Variants in SLC25A43 observed in about 807,000 individuals in gnomAD.
SLC25A43 encodes solute carrier family 25, member 43.
A neutral mutation model predicts 22.8 loss-of-function variants in SLC25A43; 10 were observed. The observed-to-expected ratio is 0.44, with a 90% CI of 0.27 to 0.74. The LOEUF (loss-of-function observed/expected upper bound fraction) is 0.74, where lower values mean the gene tolerates loss of function less well. Ranked by LOEUF, SLC25A43 falls within the 30% of genes least tolerant of loss-of-function variation. The probability of loss-of-function intolerance (pLI) is 0.17; values close to 1 mark genes in which losing one functional copy is unlikely to be tolerated. For missense variants in SLC25A43, 233 were observed against 279.1 expected, an observed-to-expected ratio of 0.83 and a Z score of 1.18; for synonymous variants, 106 against 121.6, an observed-to-expected ratio of 0.87 and a Z score of 0.84.
In SLC25A43 at chrX:119,454,023, G is replaced by C. The variant is rs989206122; in HGVS notation, c.*958G>C. 1 of 112,214 alleles carries C rather than the reference G, an allele frequency of 8.9e-6. No homozygotes were observed. 9.2% of individuals were successfully genotyped at this position (112,214 alleles called of 1,213,427 possible). A position where few individuals can be genotyped will look rare whatever the true frequency, so the allele number is the denominator to read the frequency against. ...GTTTCAGAAAGACAGTTTATACCAT[G>C]ACTGCTTAATTATCCCCCCAAAGAC... On this transcript the variant is annotated 3_prime_UTR_variant, in exon 5 of 5. Coordinates refer to ENST00000217909, the MANE Select transcript of SLC25A43 (RefSeq NM_145305.3).
rs949124519 is a variant in SLC25A43, at chrX:119,406,815, G to A, written c.517+114G>A. On this transcript the variant is annotated intron_variant, in intron 2 of 4. Transcript: ENST00000217909. ...AGTTTTACTGAGATCAAGGTTATAT[G>A]GATTCAACCTACATAGAGGCAATTA... 1.8e-5 allele frequency: 16 copies of A among 887,124 alleles called. No homozygotes were observed. The Admixed American group carries it at 5.4e-4, about 30-fold the overall frequency. The allele number at this position is 887,124 out of a possible 1,213,427, so 73.1% of individuals were successfully genotyped here.
chrX:119,410,344 C>G lies in SLC25A43; in HGVS notation c.672C>G (p.Thr224=), dbSNP rs142240806. 1.7e-5 allele frequency: 21 copies of G among 1,208,732 alleles called. No individual in the cohort carries two copies. The African/African-American group carries it at 1.9e-4, about 11-fold the overall frequency. The change falls in exon 3 of 5, where the codon ACC becomes ACG. Residue 224 remains threonine, a synonymous_variant. Transcript: ENST00000217909. ...AGACCCTCTCCTTTCCCTTTGAGACCGTGAAGAGAAAGATGCAGGTGAGGA... is the reference window on the plus strand; with the variant it reads ...AGACCCTCTCCTTTCCCTTTGAGACGGTGAAGAGAAAGATGCAGGTGAGGA... ...VTQTLSFPFE[T]VKRKMQAQSP...
In SLC25A43 at chrX:119,450,949, G is replaced by C. The variant is rs767892885; in HGVS notation, c.691-1060G>C. On this transcript the variant is annotated intron_variant, in intron 3 of 4. Coordinates refer to ENST00000217909, the MANE Select transcript of SLC25A43 (RefSeq NM_145305.3). ...AGGCCAAGGCAGGTGGATCACTTGA[G>C]GCCAGGAGTTTCAGACCAGCCTGGC... Among the ~76,000 whole-genome samples, 12 of 112,021 alleles carry C rather than the reference G, an allele frequency of 1.1e-4. No homozygotes were observed. The South Asian group carries it at 4.1e-3, about 38-fold the overall frequency.
intron 1 of SLC25A43, among the ~76,000 whole-genome samples, chrX:119,402,521 A>G (rs1209802842): frequency 8.9e-6 from 1 of 112,158 alleles, no homozygotes; most frequent in Non-Finnish European, 1.9e-5. Context: ...GTTCATAACC[A>G]ACACTATTTC....
chrX:119,420,026 A>T (rs1272976730), intron 3 of SLC25A43, among the ~76,000 whole-genome samples: 2 of 112,359 alleles, frequency 1.8e-5, no homozygotes, highest in African/African-American at 6.5e-5. Flanking sequence ...GCACTGTGCT[A>T]AGTGCTTTAT....
At chrX:119,399,728 T>A (rs1402769156) in intron 1 of SLC25A43, 50 bp downstream of exon 1, 1 of 672,549 alleles carries the variant, frequency 1.5e-6, no homozygotes, top group South Asian at 4.6e-5. Flanking sequence ...GGGGGTGGGG[T>A]GGGGGAGCCG....
intron 3 of SLC25A43, among the ~76,000 whole-genome samples, chrX:119,446,027 C>G (rs1019079272): frequency 9.2e-6 from 1 of 108,651 alleles, no homozygotes; most frequent in African/African-American, 3.3e-5. Context: ...GTGGCATGCA[C>G]CTGCAATCCC....
chrX:119,445,166 CT>C (rs776316831), intron 3 of SLC25A43, among the ~76,000 whole-genome samples: 47 of 110,151 alleles, frequency 4.3e-4, no homozygotes, highest in African/African-American at 1.5e-3. Flanking sequence ...GATTCGCACT[CT>C]ACCTAGGCTT....
At chrX:119,417,392 C>A (rs1421288746) in intron 3 of SLC25A43, among the ~76,000 whole-genome samples, 1 of 111,050 alleles carries the variant, frequency 9.0e-6, no homozygotes, top group Non-Finnish European at 1.9e-5. Flanking sequence ...TGCCACCACA[C>A]TCCAGCCTGG....
intron 2 of SLC25A43, among the ~76,000 whole-genome samples, chrX:119,408,430 A>G (rs2052317127): frequency 9.0e-6 from 1 of 111,224 alleles, no homozygotes; most frequent in Non-Finnish European, 1.9e-5. Flanking sequence ...CATTTCATAT[A>G]GCCCCCCTGT....
At chrX:119,420,647 G>C (rs1199134105) in intron 3 of SLC25A43, among the ~76,000 whole-genome samples, 1 of 111,862 alleles carries the variant, frequency 8.9e-6, no homozygotes, top group Non-Finnish European at 1.9e-5. Context: ...GAGAAAAAAG[G>C]CTGAGCCCCT....
chrX:119,420,049 A>G lies in SLC25A43; in HGVS notation c.690+9687A>G, dbSNP rs558630725. Reference sequence around the variant, plus strand: ...CTAAGTGCTTTATGTTCATTATCTCATTTAATCCTTACAACAGCCCTACAA... The same window carrying G: ...CTAAGTGCTTTATGTTCATTATCTCGTTTAATCCTTACAACAGCCCTACAA... On this transcript the variant is annotated intron_variant, in intron 3 of 4. Coordinates refer to ENST00000217909, the MANE Select transcript of SLC25A43 (RefSeq NM_145305.3). 7.1e-5 allele frequency among the ~76,000 whole-genome samples: 8 copies of G among 112,241 alleles called. No individual in the cohort carries two copies. In the South Asian group the frequency reaches 3.0e-3, roughly 42 times the overall value.
At chrX:119,443,752 T>TAA (rs2052643383) in intron 3 of SLC25A43, among the ~76,000 whole-genome samples, 1 of 102,530 alleles carries the variant, frequency 9.8e-6, no homozygotes, top group Non-Finnish European at 2.0e-5. Flanking sequence ...ATTTATTTAT[T>TAA]TTTATTTTTT....
chrX:119,411,525 G>A lies in SLC25A43; in HGVS notation c.690+1163G>A, dbSNP rs536540479. ...CAAAAAAAAAAAAAAAAAATGAGGC[G>A]GCATCTTAGTGAGACCACTGAGGCA... On this transcript the variant is annotated intron_variant, in intron 3 of 4. Coordinates refer to ENST00000217909, the MANE Select transcript of SLC25A43 (RefSeq NM_145305.3). Among the ~76,000 whole-genome samples the A allele has an allele frequency of 4.6e-5, 5 of 109,726 alleles. No homozygotes were observed. In the East Asian group the frequency reaches 1.1e-3, roughly 25 times the overall value.
At chrX:119,416,528 C>T (rs1391728913) in intron 3 of SLC25A43, among the ~76,000 whole-genome samples, 4 of 112,575 alleles carry the variant, frequency 3.6e-5, no homozygotes, top group Non-Finnish European at 7.5e-5. Flanking sequence ...CAAAAAACAC[C>T]TTTTAATGTC....
chrX:119,403,746 A>G (rs1483023073), intron 1 of SLC25A43, among the ~76,000 whole-genome samples: 1 of 111,684 alleles, frequency 9.0e-6, no homozygotes, highest in African/African-American at 3.3e-5. Context: ...CCTGTTTGAG[A>G]AAAACCTCTG....
At chrX:119,432,076 C>T (rs750126986) in intron 3 of SLC25A43, among the ~76,000 whole-genome samples, 13 of 105,003 alleles carry the variant, frequency 1.2e-4, no homozygotes, top group South Asian at 4.4e-4. Flanking sequence ...CACTTGAACC[C>T]GGGAATGGGG....
At chrX:119,412,091 G>A (rs966629919) in intron 3 of SLC25A43, among the ~76,000 whole-genome samples, 1 of 110,610 alleles carries the variant, frequency 9.0e-6, no homozygotes, top group African/African-American at 3.3e-5. Flanking sequence ...GTCCCTCCCC[G>A]CTCCCGCTTT....
chrX:119,421,247 A>G, intron 3 of SLC25A43, among the ~76,000 whole-genome samples: 1 of 111,816 alleles, frequency 8.9e-6, no homozygotes, highest in Non-Finnish European at 1.9e-5. Flanking sequence ...GATGACAGAA[A>G]GGAAGAAAGA....
Sources: allele counts gnomAD v4.1 joint callset (sites outside exome capture counted in the v4.1 genomes callset), GRCh38; gene constraint gnomAD v4.1.1; transcripts MANE v1.5; gene names NCBI Gene and HGNC (gene_info 2026-07-23, HGNC 2026-07-21).